Variants in ACOX3 observed in about 807,000 individuals in gnomAD.
ACOX3 encodes acyl-CoA oxidase 3, pristanoyl.
A neutral mutation model predicts 81.5 loss-of-function variants in ACOX3; 73 were observed. That is an observed-to-expected ratio of 0.90 (90% CI 0.74 to 1.09). The LOEUF is 1.09. ACOX3 is among the 50% of genes least tolerant of loss of function. The pLI, the probability that ACOX3 is intolerant of heterozygous loss-of-function variation, is 0.00. For synonymous variants in ACOX3, 387 were observed against 375.1 expected (o/e 1.03, Z -0.37); for missense variants, 947 against 928.0 (o/e 1.02, Z -0.27).
rs113578128 is a variant in ACOX3 at position 8,389,613 on chromosome 4, G to A, written c.1422C>T (p.His474=). ...CACCAGTGTGCAGCAGAGCCTCACC[G>A]TGGACCTGGTGTGCCAGGAGACCCA... ...YLLGLLAHQV[H]DGACFRSPLK... is the part of the protein sequence containing the mutation. Residue 474 remains histidine (H), a splice_region_variant and synonymous_variant, in exon 12 of 18, where the codon CAC becomes CAT. Transcript: ENST00000356406. The surrounding 1 kb of genome is among the most constrained non-coding windows in gnomAD (Gnocchi z 5.3). 2.0e-4 allele frequency: 326 copies of A among 1,613,768 alleles called. 3 individuals carry two copies. In the African/African-American group the frequency reaches 2.5e-3, roughly 12 times the overall value.
At chr4:8,398,024 G>T (rs1719917117) in intron 8 of ACOX3, among the ~76,000 whole-genome samples, 1 of 152,196 alleles carries the variant, frequency 6.6e-6, no homozygotes, top group Non-Finnish European at 1.5e-5. Context: ...AGCCAGGCCT[G>T]GCGGCGGGTG....
chr4:8,421,168 A>G (rs1382590223), intron 1 of ACOX3, among the ~76,000 whole-genome samples: 4 of 152,224 alleles, frequency 2.6e-5, no homozygotes, highest in African/African-American at 9.6e-5. Context: ...GCGGTGAGTA[A>G]TATTGAACCA....
chr4:8,414,833 T>G lies in ACOX3; in HGVS notation c.453+21A>C, dbSNP rs774149550. The G allele has an allele frequency of 6.2e-7, 1 of 1,608,422 alleles. No individual in the cohort carries two copies. ...CAAGCAAGAGAACCAGGCTCACAAT[T>G]TACCATGAACCAGAACTTACCTCCA... On this transcript the variant is annotated intron_variant, in intron 4 of 17. Transcript: ENST00000356406. This position sits in a 1 kb window ranked among gnomAD's most constrained non-coding sequence, Gnocchi z 6.1.
intron 15 of ACOX3, chr4:8,374,076 A>C: frequency 4.9e-6 from 1 of 202,156 alleles, no homozygotes; most frequent in Non-Finnish European, 1.0e-5. Flanking sequence ...ACCTGCAGGG[A>C]CTCAGAGGCC....
chr4:8,377,090 G>A (rs189323262), intron 14 of ACOX3, among the ~76,000 whole-genome samples: 91 of 152,202 alleles, frequency 6.0e-4, no homozygotes, highest in Non-Finnish European at 8.2e-4. Flanking sequence ...ACGAGAACAC[G>A]ATAATTCCAT....
Position 8,382,995 on chromosome 4 carries a change from A to AC in ACOX3, c.1538-1389_1538-1388insG, listed in dbSNP as rs1316428120. Among the ~76,000 whole-genome samples the AC allele has an allele frequency of 6.7e-6, 1 of 149,898 alleles. No individual in the cohort carries two copies. Among genetic ancestry groups the AC allele is most frequent in the Non-Finnish European group, 1.5e-5 (1 of 67,316 alleles). ...GACAGAGCGAGACTCCGTCTCAAAA[A>AC]AAAAAAAAAAAGAAAAGAAAATACC... On this transcript the variant is annotated intron_variant, in intron 13 of 17. Transcript: ENST00000356406. The surrounding 1 kb of genome is among the most constrained non-coding windows in gnomAD (Gnocchi z 4.1).
rs541249523 is a variant in ACOX3 at position 8,400,029 on chromosome 4, C to T, written c.777-377G>A. Reference sequence around the variant, plus strand: ...TGGGAGGCCGAGGTGGGTGGATCACCTCAGGTCAGGAGTTCGAAACCAGCC... The same window carrying T: ...TGGGAGGCCGAGGTGGGTGGATCACTTCAGGTCAGGAGTTCGAAACCAGCC... On this transcript the variant is annotated intron_variant, in intron 7 of 17. Coordinates refer to ENST00000356406, the MANE Select transcript of ACOX3 (RefSeq NM_003501.3). This position sits in a 1 kb window ranked among gnomAD's most constrained non-coding sequence, Gnocchi z 4.4. 1.2e-4 allele frequency among the ~76,000 whole-genome samples: 18 copies of T among 152,140 alleles called. No homozygotes were observed. The highest frequency in any genetic ancestry group is 1.1e-3 in the Admixed American group (17 of 15,278).
chr4:8,383,974 C>T (rs1718001009), intron 13 of ACOX3, among the ~76,000 whole-genome samples: 1 of 152,208 alleles, frequency 6.6e-6, no homozygotes, highest in Non-Finnish European at 1.5e-5. Context: ...CTGACCACAC[C>T]AGAGGCCCCC....
At chr4:8,397,643 G>A (rs892068540) in intron 8 of ACOX3, among the ~76,000 whole-genome samples, 8 of 152,188 alleles carry the variant, frequency 5.3e-5, no homozygotes, top group African/African-American at 1.4e-4. Flanking sequence ...ACGCATCAGC[G>A]GCGTCAGCAG....
chr4:8,373,799 C>T (rs1716572969), intron 15 of ACOX3, 171 bp from the exon 16 acceptor site: 2 of 635,128 alleles, frequency 3.1e-6, no homozygotes, highest in Non-Finnish European at 5.6e-6. Context: ...GAATGTGCTG[C>T]TCAGGGGCCG....
chr4:8,383,187 G>A (rs568142008), intron 13 of ACOX3, among the ~76,000 whole-genome samples: 2 of 152,308 alleles, frequency 1.3e-5, no homozygotes, highest in Admixed American at 1.3e-4. Flanking sequence ...GGAGTGGGAT[G>A]GAAAGACGGG....
In ACOX3 at chr4:8,368,990, G is replaced by A. The variant is rs1255801020; in HGVS notation, c.1984-1910C>T. ...CCACCATGCTCAGCCAGGAATGCAC[G>A]TTTAATAAACCATCCTGCCAGCGAC... On this transcript the variant is annotated intron_variant, in intron 17 of 17. Transcript: ENST00000356406. The surrounding 1 kb of genome is among the most constrained non-coding windows in gnomAD (Gnocchi z 5.9). Among the ~76,000 whole-genome samples the A allele has an allele frequency of 6.6e-6, 1 of 152,134 alleles. No homozygotes were observed. Among genetic ancestry groups the A allele is most frequent in the Non-Finnish European group, 1.5e-5 (1 of 68,018 alleles).
At position 8,398,303 on chromosome 4, in the gene ACOX3, TG is replaced by T. The variant is rs747454800; in HGVS notation, c.874-1185del. 1.1e-4 allele frequency among the ~76,000 whole-genome samples: 16 copies of T among 152,348 alleles called. No individual in the cohort carries two copies. In the East Asian group the frequency reaches 2.9e-3, roughly 28 times the overall value. ...TTTTTTATTCCACTGGAGTCAGATC[TG>T]GAAGATTCTAGAATTTTCTCTTAGA... On this transcript the variant is annotated intron_variant, in intron 8 of 17. Transcript: ENST00000356406.
In ACOX3 at chr4:8,416,385, C is replaced by T. The variant is rs147193447; in HGVS notation, c.137G>A (p.Arg46His). 3.3e-5 allele frequency: 54 copies of T among 1,614,192 alleles called. No individual in the cohort carries two copies. The highest frequency in any genetic ancestry group is 5.0e-5 in the Admixed American group (3 of 60,028). ...ALFTEGEGMLRFKKTIFSALE... is the reference protein window; with the variant it reads ...ALFTEGEGMLHFKKTIFSALE... ...CACAACCGCACGCCTCACCTTAAAG[C>T]GGAGCATGCCCTCCCCTTCCGTGAA... Residue 46 changes from arginine (R) to histidine (H), a missense_variant, in exon 2 of 18, where the codon CGC (arginine) becomes CAC (histidine). Coordinates refer to ENST00000356406, the MANE Select transcript of ACOX3 (RefSeq NM_003501.3). This position sits in a 1 kb window ranked among gnomAD's most constrained non-coding sequence, Gnocchi z 4.2.
At chr4:8,408,957 T>G (rs1169651687) in intron 6 of ACOX3, among the ~76,000 whole-genome samples, 3 of 139,328 alleles carry the variant, frequency 2.2e-5, no homozygotes, top group Non-Finnish European at 3.0e-5. Context: ...AGCATCAGTA[T>G]GGAGTTAAAT....
In ACOX3 at chr4:8,381,511, T is replaced by A; in HGVS notation, c.1634A>T (p.Glu545Val). The change falls in exon 14 of 18, where the codon GAA (glutamate) becomes GTA (valine). Residue 545 changes from glutamate (E) to valine (V), a missense_variant. Glu to Val is a moderately radical substitution (Grantham distance 121, BLOSUM62 -2). Coordinates refer to ENST00000356406, the MANE Select transcript of ACOX3 (RefSeq NM_003501.3). The surrounding 1 kb of genome is among the most constrained non-coding windows in gnomAD (Gnocchi z 4.3). ...QEKRSGSSDF[E>V]ARNKCQVSHG... is the part of the protein sequence containing the mutation. ...ACTTACCTGGCATTTGTTCCTTGCT[T>A]CAAAGTCACTGCTTCCTGATCTTTT... 6.2e-7 allele frequency: 1 copy of A among 1,613,808 alleles called. No individual in the cohort carries two copies. Among genetic ancestry groups the A allele is most frequent in the Middle Eastern group, 1.7e-4 (1 of 6,060 alleles).
Position 8,393,591 on chromosome 4 carries a change from CAATT to C in ACOX3, c.1179+1025_1179+1028del, listed in dbSNP as rs144258877. Among the ~76,000 whole-genome samples the C allele has an allele frequency of 8.6e-3, 1,293 of 150,220 alleles. 21 individuals carry two copies. The highest frequency in any genetic ancestry group is 0.029 in the African/African-American group (1,180 of 40,560). On this transcript the variant is annotated intron_variant, in intron 10 of 17. Coordinates refer to ENST00000356406, the MANE Select transcript of ACOX3 (RefSeq NM_003501.3). ...AAGAAAGACAATTAAAAAGGAAAAA[CAATT>C]AAGAGGAAGACACACACACGCACAC...
intron 7 of ACOX3, among the ~76,000 whole-genome samples, chr4:8,402,599 C>T (rs779849503): frequency 2.0e-5 from 3 of 152,190 alleles, no homozygotes; most frequent in Non-Finnish European, 4.4e-5. Flanking sequence ...CAAAGGAAAG[C>T]AAACTTCCAC....
intron 1 of ACOX3, among the ~76,000 whole-genome samples, chr4:8,422,188 G>A (rs952595043): frequency 5.3e-5 from 8 of 152,072 alleles, no homozygotes; most frequent in Admixed American, 2.6e-4. Context: ...AAGAAAGAGA[G>A]AGGGGGGAAG....
Sources: gnomAD v4.1 joint callset for allele counts (sites outside exome capture counted in the v4.1 genomes callset) on GRCh38, gnomAD v4.1.1 for gene constraint, Gnocchi (gnomAD v3.1) non-coding constraint, MANE v1.5 for transcripts, NCBI Gene and HGNC (gene_info 2026-07-23, HGNC 2026-07-21) for gene names.